The following XPO7 variants were observed in gnomAD, a reference collection of about 807,000 sequenced individuals.
XPO7 encodes exportin-7.
A neutral mutation model predicts 144.3 loss-of-function variants in XPO7; 21 were observed. The observed-to-expected ratio is 0.15, with a 90% CI of 0.10 to 0.21. The LOEUF (loss-of-function observed/expected upper bound fraction) is 0.21, where lower values mean the gene tolerates loss of function less well. XPO7 is among the 10% of genes least tolerant of loss of function. The pLI is 1.00. For synonymous variants in XPO7, 580 were observed against 499.6 expected (o/e 1.16, Z -2.15); for missense variants, 808 against 1,325.8 (o/e 0.61, Z 6.06).
intron 1 of XPO7, among the ~76,000 whole-genome samples, chr8:21,949,539 A>T (rs1293598247): frequency 6.6e-6 from 1 of 152,204 alleles, no homozygotes; most frequent in Non-Finnish European, 1.5e-5. Context: ...ATTCAGTTAA[A>T]AGCAATGTGG....
At chr8:21,989,784 TA>T (rs1812698365) in intron 16 of XPO7, among the ~76,000 whole-genome samples, 1 of 151,030 alleles carries the variant, frequency 6.6e-6, no homozygotes, top group Non-Finnish European at 1.5e-5. Context: ...AGGTTTATTC[TA>T]TTTTCTTACA....
chr8:21,964,964 C>A (rs1811836949), intron 1 of XPO7, among the ~76,000 whole-genome samples: 4 of 152,106 alleles, frequency 2.6e-5, no homozygotes, highest in Non-Finnish European at 5.9e-5. Context: ...CAGGACTGTT[C>A]AGGGAGTGTC....
chr8:21,963,913 T>G (rs1177489123), intron 1 of XPO7, among the ~76,000 whole-genome samples: 2 of 152,202 alleles, frequency 1.3e-5, no homozygotes, highest in Admixed American at 6.5e-5. Flanking sequence ...TAAGAATAAC[T>G]TAGCTGCATA....
At chr8:21,997,974 T>C (rs1003764535) in intron 21 of XPO7, among the ~76,000 whole-genome samples, 4 of 152,168 alleles carry the variant, frequency 2.6e-5, no homozygotes, top group African/African-American at 4.8e-5. Flanking sequence ...CAAATGGCCT[T>C]CTCTGTCTGG....
At position 21,984,661 on chromosome 8, in the gene XPO7, T is replaced by G; in HGVS notation, c.1293T>G (p.Asp431Glu). 1 of 1,612,696 alleles carries G rather than the reference T, an allele frequency of 6.2e-7. No homozygotes were observed. The highest frequency in any genetic ancestry group is 8.5e-7 in the Non-Finnish European group (1 of 1,179,420). The change falls in exon 12 of 28, where the codon GAT (aspartate) becomes GAG (glutamate). Residue 431 changes from aspartate to glutamate, a missense_variant. Asp to Glu is a conservative substitution (Grantham distance 45). Coordinates refer to ENST00000252512, the MANE Select transcript of XPO7 (RefSeq NM_015024.5). The part of the protein sequence containing the change: ...VHIILRDGLE[D>E]PLEDTGLVQQ... Reference sequence around the variant, plus strand: ...TTGGGAATAGAGATGGCCTGGAAGATCCCCTGGAGGATACGGGGCTGGTCC... The same window carrying G: ...TTGGGAATAGAGATGGCCTGGAAGAGCCCCTGGAGGATACGGGGCTGGTCC...
intron 14 of XPO7, among the ~76,000 whole-genome samples, chr8:21,987,542 T>C (rs896000724): frequency 2.0e-5 from 3 of 152,222 alleles, no homozygotes; most frequent in Non-Finnish European, 4.4e-5. Flanking sequence ...CATGCATGAA[T>C]TAATATTCAG....
chr8:21,995,681 T>G, intron 21 of XPO7, 82 bp downstream of exon 21: 1 of 1,096,064 alleles, frequency 9.1e-7, no homozygotes, highest in Non-Finnish European at 1.3e-6. Flanking sequence ...TTGGGCAGAT[T>G]GTGGGAAATA....
At chr8:21,930,546 T>C (rs570806668) in intron 1 of XPO7, among the ~76,000 whole-genome samples, 27 of 152,186 alleles carry the variant, frequency 1.8e-4, no homozygotes, top group African/African-American at 2.2e-4. Context: ...TCCAGATTGA[T>C]AAGAGCACAC....
At chr8:21,937,900 AT>A in intron 1 of XPO7, among the ~76,000 whole-genome samples, 1 of 152,216 alleles carries the variant, frequency 6.6e-6, no homozygotes, top group Non-Finnish European at 1.5e-5. Flanking sequence ...CAAATTTTGC[AT>A]TAAACTCCCA....
At position 21,996,970 on chromosome 8, in the gene XPO7, G is replaced by A. The variant is rs186177899; in HGVS notation, c.2345+1371G>A. Among the ~76,000 whole-genome samples, 13 of 152,040 alleles carry A rather than the reference G, an allele frequency of 8.6e-5. No homozygotes were observed. The South Asian group carries it at 2.1e-3, about 24-fold the overall frequency. Reference sequence around the variant, plus strand: ...ATTACAGACATGCGCCACCACGCCCGGCTAATTTTCTATTTTTAGTAGAGA... The same window carrying A: ...ATTACAGACATGCGCCACCACGCCCAGCTAATTTTCTATTTTTAGTAGAGA... On this transcript the variant is annotated intron_variant, in intron 21 of 27. Coordinates refer to ENST00000252512, the MANE Select transcript of XPO7 (RefSeq NM_015024.5).
rs993555063 is a variant in XPO7 at position 21,947,086 on chromosome 8, A to G, written c.19-19771A>G. On this transcript the variant is annotated intron_variant, in intron 1 of 27. Coordinates refer to ENST00000252512, the MANE Select transcript of XPO7 (RefSeq NM_015024.5). ...TGCCATAGAAGTGTTTGGTTATGAA[A>G]GAAGCAAAGGTGACCAAAGAAATTG... Among the ~76,000 whole-genome samples, 5 of 152,262 alleles carry G rather than the reference A, an allele frequency of 3.3e-5. No homozygotes were observed. In the South Asian group the frequency reaches 6.2e-4, roughly 19 times the overall value.
At chr8:21,987,709 G>C in intron 14 of XPO7, 75 bp from the exon 15 acceptor site, 1 of 1,515,610 alleles carries the variant, frequency 6.6e-7, no homozygotes, top group Admixed American at 1.8e-5. Context: ...TTACCCATGA[G>C]TGTGGACAAA....
intron 1 of XPO7, among the ~76,000 whole-genome samples, chr8:21,934,225 C>T (rs1331641457): frequency 1.3e-5 from 2 of 151,966 alleles, no homozygotes; most frequent in Non-Finnish European, 2.9e-5. Flanking sequence ...TGGCCAGGTG[C>T]GGTGGCTCAT....
rs769499578 is a variant in XPO7 at position 21,999,269 on chromosome 8, C to T, written c.2607C>T (p.Ile869=). 3.1e-6 allele frequency: 5 copies of T among 1,613,414 alleles called. No individual in the cohort carries two copies. In the Admixed American group the frequency reaches 8.3e-5, roughly 27 times the overall value. The change falls in exon 23 of 28, where the codon ATC becomes ATT. Residue 869 remains isoleucine (I), a synonymous_variant. Transcript: ENST00000252512. ...DALDNALQTF[I]KLLLSIPHSD... is the part of the protein sequence containing the mutation. ...TGGACAATGCTCTGCAGACCTTCAT[C>T]AAGCTGCTCCTCTCTATTCCTCACA...
At chr8:22,002,534 T>C (rs956768209) in intron 25 of XPO7, among the ~76,000 whole-genome samples, 6 of 152,212 alleles carry the variant, frequency 3.9e-5, no homozygotes, top group African/African-American at 1.2e-4. Context: ...CACTATCCTC[T>C]TTCTGTGAAA....
chr8:21,969,394 T>A, intron 2 of XPO7, 89 bp from the exon 3 acceptor site: 1 of 1,153,486 alleles, frequency 8.7e-7, no homozygotes, highest in Non-Finnish European at 1.2e-6. Context: ...TTGCCTTTTC[T>A]TGAATCTGAG....
At chr8:21,947,820 G>A (rs1811241477) in intron 1 of XPO7, among the ~76,000 whole-genome samples, 1 of 152,126 alleles carries the variant, frequency 6.6e-6, no homozygotes, top group Non-Finnish European at 1.5e-5. Flanking sequence ...TCTGACAGAG[G>A]CCTTTACAGA....
rs71544845 is a variant in XPO7 at position 21,955,724 on chromosome 8, C to CTTTTTTTTTT, written c.19-11119_19-11110dup. ...CTCATGGCCTGTATTCTGTGCTTAC[C>CTTTTTTTTTT]TTTTTTTTTTTTTTTTTTTTTTTGA... On this transcript the variant is annotated intron_variant, in intron 1 of 27. Coordinates refer to ENST00000252512, the MANE Select transcript of XPO7 (RefSeq NM_015024.5). Among the ~76,000 whole-genome samples, 27 of 102,756 alleles carry CTTTTTTTTTT rather than the reference C, an allele frequency of 2.6e-4. 1 individual carries two copies. The highest frequency in any genetic ancestry group is 6.9e-3 in the Middle Eastern group (1 of 144). The allele number at this position is 102,756 out of a possible 152,430, so 67.4% of individuals were successfully genotyped here.
rs1440811976 is a variant in XPO7, at chr8:21,994,495, T to A, written c.2237+44T>A. The A allele has an allele frequency of 2.6e-6, 4 of 1,555,406 alleles. No individual in the cohort carries two copies. The South Asian group carries it at 4.6e-5, about 18-fold the overall frequency. ...GGAGCACACTACAGCCTGCCTTAAC[T>A]GGAGTGTGATTGGGTGATAGGGTCC... is the stretch of plus-strand genomic sequence containing the variant. On this transcript the variant is annotated intron_variant, in intron 20 of 27. Coordinates refer to ENST00000252512, the MANE Select transcript of XPO7 (RefSeq NM_015024.5).
Sources: allele counts gnomAD v4.1 joint callset (sites outside exome capture counted in the v4.1 genomes callset), GRCh38; gene constraint gnomAD v4.1.1; transcripts MANE v1.5; gene names NCBI Gene and HGNC (gene_info 2026-07-23, HGNC 2026-07-21).